The following STX16 variants were observed in gnomAD, a reference collection of about 807,000 sequenced individuals.
STX16 encodes syntaxin 16, also known as syntaxin-16.
In STX16, 28 loss-of-function variants were observed where a neutral mutation model predicts 42.7. The observed-to-expected ratio is 0.66, with a 90% CI of 0.49 to 0.90. The LOEUF is 0.90. Among genes scored for constraint, STX16 ranks in the 40% least tolerant of loss-of-function variants. The pLI is 0.00. For synonymous variants in STX16, 156 were observed against 155.2 expected, an observed-to-expected ratio of 1.00 and a Z score of -0.04; for missense variants, 361 against 420.9, an observed-to-expected ratio of 0.86 and a Z score of 1.24.
intron 1 of STX16, 78 bp from the exon 2 acceptor site, chr20:58,659,541 TTGTC>T (rs1212262222): frequency 4.1e-5 from 60 of 1,459,592 alleles, no homozygotes; most frequent in South Asian, 1.0e-4. Flanking sequence ...TGACCATGCC[TTGTC>T]TGTCTGTCTG....
chr20:58,667,125 G>T, intron 2 of STX16: 1 of 327,158 alleles, frequency 3.1e-6, no homozygotes, highest in Non-Finnish European at 5.9e-6. Flanking sequence ...GGTTCATGCC[G>T]TTCTATCACA....
chr20:58,662,572 G>A (rs375446015), intron 2 of STX16, among the ~76,000 whole-genome samples: 16 of 152,134 alleles, frequency 1.1e-4, no homozygotes, highest in Admixed American at 3.9e-4. Context: ...GTGCAGTGGC[G>A]CGATCTCGGC....
At chr20:58,671,456 GTGTGTGTGTGTGTGTGTA>G (rs2083973050) in intron 7 of STX16, among the ~76,000 whole-genome samples, 159 bp downstream of exon 7, 13 of 128,668 alleles carry the variant, frequency 1.0e-4, no homozygotes, top group African/African-American at 3.8e-4. Flanking sequence ...GTGTGTGTGT[GTGTGTGTGTGTGTGTGTA>G]TATTAATATT....
intron 1 of STX16, 32 bp downstream of exon 1, chr20:58,652,170 G>T (rs762323083): frequency 1.2e-6 from 2 of 1,611,742 alleles, no homozygotes; most frequent in African/African-American, 1.3e-5. Flanking sequence ...CCGACACACG[G>T]ACCGTGTGCA....
chr20:58,663,007 G>A (rs6100154), intron 2 of STX16, among the ~76,000 whole-genome samples: 1,999 of 152,228 alleles, frequency 0.013, 17 homozygotes, highest in African/African-American at 0.028. Context: ...TTGTCTATTA[G>A]CGAAGTAGTC....
rs916465915 is a variant in STX16 at position 58,655,316 on chromosome 20, A to G, written c.132+3178A>G. ...AGCAAAGCACACCTAAAGCCATGCC[A>G]TTCAAAAAATTTAAACATGCATTTT... On this transcript the variant is annotated intron_variant, in intron 1 of 8. Coordinates refer to ENST00000371141, the MANE Select transcript of STX16 (RefSeq NM_001001433.3). 2.0e-5 allele frequency among the ~76,000 whole-genome samples: 3 copies of G among 152,224 alleles called. No individual in the cohort carries two copies. The East Asian group carries it at 5.8e-4, about 29-fold the overall frequency.
In STX16 at chr20:58,659,570, C is replaced by T. The variant is rs74551226; in HGVS notation, c.133-53C>T. 12,390 of 1,593,568 alleles carry T rather than the reference C, an allele frequency of 7.8e-3. 114 individuals carry two copies. Among genetic ancestry groups the T allele is most frequent in the Non-Finnish European group, 7.5e-3 (8,765 of 1,172,742 alleles). On this transcript the variant is annotated intron_variant, in intron 1 of 8. Transcript: ENST00000371141. ...CTGTCTGTCTGTCCCATGCTGCTTT[C>T]TTTGTGCTTTCCCCAACTGGATGGG... is the stretch of plus-strand genomic sequence containing the variant.
chr20:58,666,718 C>T (rs975981234), intron 2 of STX16, among the ~76,000 whole-genome samples: 3 of 152,132 alleles, frequency 2.0e-5, no homozygotes, highest in East Asian at 1.9e-4. Context: ...CGTGAGCCAC[C>T]GCGCCCAGCC....
intron 3 of STX16, 85 bp downstream of exon 3, chr20:58,667,682 T>G: frequency 2.5e-6 from 3 of 1,220,770 alleles, no homozygotes; most frequent in Non-Finnish European, 3.6e-6. Flanking sequence ...TATAAACGAA[T>G]TTGGCTACAC....
intron 1 of STX16, among the ~76,000 whole-genome samples, chr20:58,652,815 A>T (rs1293260459): frequency 1.3e-5 from 2 of 152,000 alleles, no homozygotes; most frequent in Non-Finnish European, 2.9e-5. Flanking sequence ...CGAACTTTTT[A>T]AAAAAAGCCT....
chr20:58,666,404 G>GT (rs1004268999), intron 2 of STX16, among the ~76,000 whole-genome samples: 1 of 136,860 alleles, frequency 7.3e-6, no homozygotes, highest in African/African-American at 2.7e-5. Flanking sequence ...ATTTCCCTCT[G>GT]TTTTTTGTGT....
intron 1 of STX16, among the ~76,000 whole-genome samples, chr20:58,652,864 C>T (rs893868555): frequency 6.8e-6 from 1 of 147,668 alleles, no homozygotes; most frequent in African/African-American, 2.5e-5. Flanking sequence ...TAAAATAGCA[C>T]TTTTTTTTTT....
At chr20:58,666,695 C>T (rs1347876723) in intron 2 of STX16, among the ~76,000 whole-genome samples, 2 of 152,192 alleles carry the variant, frequency 1.3e-5, no homozygotes, top group African/African-American at 2.4e-5. Flanking sequence ...TCCCAAAGTT[C>T]TGGGATTACA....
intron 1 of STX16, among the ~76,000 whole-genome samples, chr20:58,656,173 T>C (rs2083582021): frequency 1.3e-5 from 2 of 152,224 alleles, no homozygotes; most frequent in Non-Finnish European, 2.9e-5. Context: ...TTGGGTTAGG[T>C]GATTTCCAGC....
chr20:58,653,544 C>T (rs1245429111), intron 1 of STX16, among the ~76,000 whole-genome samples: 1 of 152,096 alleles, frequency 6.6e-6, no homozygotes, highest in Non-Finnish European at 1.5e-5. Context: ...AAAGGAATTA[C>T]ATTATATTGA....
chr20:58,658,504 C>T (rs936352215), intron 1 of STX16, among the ~76,000 whole-genome samples: 10 of 152,060 alleles, frequency 6.6e-5, no homozygotes, highest in African/African-American at 2.4e-4. Context: ...TGAATTTTTA[C>T]GTGGAGTAAA....
intron 2 of STX16, among the ~76,000 whole-genome samples, chr20:58,661,176 G>A (rs750535752): frequency 2.6e-5 from 4 of 152,228 alleles, no homozygotes; most frequent in Non-Finnish European, 5.9e-5. Context: ...TGTATAGGAT[G>A]CGAGGGAGGG....
intron 1 of STX16, among the ~76,000 whole-genome samples, chr20:58,652,933 A>G (rs1364998612): frequency 6.6e-6 from 1 of 152,076 alleles, no homozygotes; most frequent in African/African-American, 2.4e-5. Flanking sequence ...TGGTCCTGGA[A>G]AAATTACTGT....
intron 2 of STX16, among the ~76,000 whole-genome samples, chr20:58,661,512 G>A (rs2083698682): frequency 6.6e-6 from 1 of 152,260 alleles, no homozygotes; most frequent in Non-Finnish European, 1.5e-5. Context: ...CATCGTGGGT[G>A]CCCACGGCCA....
Sources: gnomAD v4.1 joint callset for allele counts (sites outside exome capture counted in the v4.1 genomes callset) on GRCh38, gnomAD v4.1.1 for gene constraint, MANE v1.5 for transcripts, NCBI Gene and HGNC (gene_info 2026-07-23, HGNC 2026-07-21) for gene names.